Variants in ANO10 observed in about 807,000 individuals in gnomAD.
The protein encoded by ANO10 is anoctamin 10.
In ANO10, 77 loss-of-function variants were observed where a neutral mutation model predicts 74.7. The observed-to-expected ratio is 1.03, with a 90% CI of 0.86 to 1.25. The LOEUF (loss-of-function observed/expected upper bound fraction) is 1.25, where lower values mean the gene tolerates loss of function less well. Ranked by LOEUF, ANO10 falls within the 50% of genes most tolerant of loss-of-function variation. The probability of loss-of-function intolerance (pLI) is 0.00; values close to 1 mark genes in which losing one functional copy is unlikely to be tolerated. For synonymous variants in ANO10, 279 were observed against 284.9 expected, an observed-to-expected ratio of 0.98 and a Z score of 0.21; for missense variants, 721 against 778.1, an observed-to-expected ratio of 0.93 and a Z score of 0.87.
At chr3:43,457,146 T>TA (rs1427647617) in intron 11 of ANO10, among the ~76,000 whole-genome samples, 3 of 152,156 alleles carry the variant, frequency 2.0e-5, no homozygotes, top group South Asian at 2.1e-4. Context: ...GGAAACTAGA[T>TA]AAAAAAGACT....
intron 11 of ANO10, among the ~76,000 whole-genome samples, chr3:43,476,337 T>C (rs2076064840): frequency 6.6e-6 from 1 of 152,194 alleles, no homozygotes; most frequent in Admixed American, 6.5e-5. Context: ...TCTGTGAATG[T>C]TACTGAATCC....
chr3:43,613,648 C>G (rs1384890629), intron 1 of ANO10, among the ~76,000 whole-genome samples: 1 of 152,170 alleles, frequency 6.6e-6, no homozygotes, highest in African/African-American at 2.4e-5. Flanking sequence ...ATTCTTTTAA[C>G]TCTCCTGACT....
At chr3:43,409,842 C>T (rs1295397798) in intron 12 of ANO10, among the ~76,000 whole-genome samples, 1 of 152,184 alleles carries the variant, frequency 6.6e-6, no homozygotes, top group Admixed American at 6.5e-5. Context: ...AAAGGACCAT[C>T]AAAGCTAAGG....
chr3:43,543,260 G>A (rs1164125417), intron 11 of ANO10, among the ~76,000 whole-genome samples: 1 of 152,184 alleles, frequency 6.6e-6, no homozygotes, highest in Non-Finnish European at 1.5e-5. Flanking sequence ...TATAATGCTT[G>A]CAACTTTCAA....
At chr3:43,602,064 C>T (rs774201191) in intron 2 of ANO10, among the ~76,000 whole-genome samples, 22 of 152,178 alleles carry the variant, frequency 1.4e-4, no homozygotes, top group Admixed American at 2.6e-4. Context: ...TTAGTTTCTC[C>T]GAACTGGGCT....
At chr3:43,410,821 TAC>T (rs1221614083) in intron 12 of ANO10, among the ~76,000 whole-genome samples, 1 of 151,998 alleles carries the variant, frequency 6.6e-6, no homozygotes, top group East Asian at 1.9e-4. Context: ...CATGAGAAAA[TAC>T]ACTTTGAATA....
At position 43,464,496 on chromosome 3, in the gene ANO10, A is replaced by G. The variant is rs542255090; in HGVS notation, c.1798-31769T>C. Among the ~76,000 whole-genome samples, 8 of 152,296 alleles carry G rather than the reference A, an allele frequency of 5.3e-5. 1 individual carries two copies. The highest frequency in any genetic ancestry group is 3.4e-3 in the Middle Eastern group (1 of 294). The stretch of plus-strand genomic sequence containing the variant: ...GGAGTTTGAGACCAACCTGGTCAAC[A>G]TAGCAAGACCCTGCAGCTACAAAAA... On this transcript the variant is annotated intron_variant, in intron 11 of 12. Coordinates refer to ENST00000292246, the MANE Select transcript of ANO10 (RefSeq NM_018075.5).
chr3:43,374,050 C>G (rs1331811971), intron 12 of ANO10, among the ~76,000 whole-genome samples: 1 of 152,196 alleles, frequency 6.6e-6, no homozygotes, highest in African/African-American at 2.4e-5. Flanking sequence ...TTCTGCAGAA[C>G]CCCCAGGCTT....
In ANO10 at chr3:43,662,824, C is replaced by T. The variant is rs1210393761; in HGVS notation, c.-12+28693G>A. On this transcript the variant is annotated intron_variant, in intron 1 of 3. Coordinates refer to the ANO10 transcript ENST00000413397. ...GGATAAATTTCTCGACACATACACC[C>T]TCCCAAGACTAAACCAGGAAGAAGT... 2.6e-5 allele frequency among the ~76,000 whole-genome samples: 4 copies of T among 152,098 alleles called. No homozygotes were observed. The East Asian group carries it at 7.7e-4, about 29-fold the overall frequency.
intron 11 of ANO10, among the ~76,000 whole-genome samples, chr3:43,441,323 T>C (rs2093156439): frequency 6.6e-6 from 1 of 150,990 alleles, no homozygotes; most frequent in Admixed American, 6.6e-5. Flanking sequence ...ATACCAAAAA[T>C]CAGAAATGTA....
intron 11 of ANO10, among the ~76,000 whole-genome samples, chr3:43,505,219 T>G (rs114581279): frequency 9.5e-4 from 145 of 152,298 alleles, no homozygotes; most frequent in Non-Finnish European, 1.8e-3. Flanking sequence ...CACTTGAAAA[T>G]AAATGTAATT....
chr3:43,686,862 GA>G (rs2084281640), intron 1 of ANO10, among the ~76,000 whole-genome samples: 1 of 152,076 alleles, frequency 6.6e-6, no homozygotes, highest in African/African-American at 2.4e-5. Flanking sequence ...TTGGCAGTAG[GA>G]ACACAGGCAT....
chr3:43,395,686 T>C (rs890933667), intron 12 of ANO10, among the ~76,000 whole-genome samples: 3 of 152,212 alleles, frequency 2.0e-5, no homozygotes, highest in Non-Finnish European at 4.4e-5. Flanking sequence ...AGTCTTCCAA[T>C]TGTGTTCTTC....
intron 12 of ANO10, among the ~76,000 whole-genome samples, chr3:43,401,581 C>G (rs1488438232): frequency 6.6e-6 from 1 of 152,134 alleles, no homozygotes; most frequent in East Asian, 1.9e-4. Context: ...CAATTTGTTT[C>G]AGGCAAAATG....
At chr3:43,374,375 T>C (rs1015251176) in intron 12 of ANO10, among the ~76,000 whole-genome samples, 2 of 152,206 alleles carry the variant, frequency 1.3e-5, no homozygotes, top group Admixed American at 1.3e-4. Flanking sequence ...GATTTACTCC[T>C]CATAACCACC....
intron 11 of ANO10, among the ~76,000 whole-genome samples, chr3:43,510,102 T>G (rs1032539627): frequency 3.9e-5 from 6 of 151,972 alleles, no homozygotes; most frequent in Admixed American, 3.9e-4. Flanking sequence ...ATGGTGGTGG[T>G]AGATACATGA....
intron 11 of ANO10, among the ~76,000 whole-genome samples, chr3:43,464,362 T>C (rs181026256): frequency 2.2e-4 from 34 of 152,284 alleles, no homozygotes; most frequent in African/African-American, 6.7e-4. Context: ...TAATAAAATA[T>C]GGCCAAGTGG....
intron 4 of ANO10, among the ~76,000 whole-genome samples, chr3:43,595,547 G>A (rs550905123): frequency 9.2e-5 from 14 of 152,246 alleles, no homozygotes; most frequent in East Asian, 1.9e-4. Flanking sequence ...AAAGGCCTTC[G>A]AGAAAATTCA....
intron 1 of ANO10, among the ~76,000 whole-genome samples, chr3:43,661,636 T>C (rs1414033172): frequency 3.9e-5 from 6 of 152,190 alleles, no homozygotes; most frequent in South Asian, 2.1e-4. Flanking sequence ...TCAAGACCCA[T>C]AGGTGTGCTG....
Sources: allele counts gnomAD v4.1 joint callset (sites outside exome capture counted in the v4.1 genomes callset), GRCh38; gene constraint gnomAD v4.1.1; transcripts MANE v1.5; gene names NCBI Gene and HGNC (gene_info 2026-07-23, HGNC 2026-07-21).